Variants in CRTAC1 observed in about 807,000 individuals in gnomAD.
CRTAC1 encodes acidic secreted protein in cartilage.
A neutral mutation model predicts 67.8 loss-of-function variants in CRTAC1; 37 were observed. The ratio of observed to expected loss-of-function variants is 0.55; its 90% confidence interval spans 0.42 to 0.72. The LOEUF (loss-of-function observed/expected upper bound fraction) is 0.72, where lower values mean the gene tolerates loss of function less well. CRTAC1 is among the 30% of genes least tolerant of loss of function. The pLI is 0.00. For synonymous variants in CRTAC1, 348 were observed against 371.0 expected, an observed-to-expected ratio of 0.94 and a Z score of 0.71; for missense variants, 780 against 931.6, an observed-to-expected ratio of 0.84 and a Z score of 2.12.
chr10:98,014,065 G>A (rs138168714), intron 1 of CRTAC1, among the ~76,000 whole-genome samples: 9 of 152,312 alleles, frequency 5.9e-5, no homozygotes, highest in East Asian at 1.9e-4. Flanking sequence ...TCTTGATGGC[G>A]TATTTTTTGG....
At chr10:98,028,440 G>C (rs1843285189) in intron 1 of CRTAC1, among the ~76,000 whole-genome samples, 2 of 152,218 alleles carry the variant, frequency 1.3e-5, no homozygotes, top group South Asian at 4.1e-4. Flanking sequence ...GAGCGCTTGA[G>C]CATGAGAGGC....
Position 98,023,048 on chromosome 10 carries a change from C to T in CRTAC1, c.24+7401G>A, listed in dbSNP as rs140380166. Among the ~76,000 whole-genome samples, 9 of 152,270 alleles carry T rather than the reference C, an allele frequency of 5.9e-5. No individual in the cohort carries two copies. In the East Asian group the frequency reaches 1.2e-3, roughly 20 times the overall value. On this transcript the variant is annotated intron_variant, in intron 1 of 14. Transcript: ENST00000370597. ...TGTGATTCACTTCCTAGTTTGTCTC[C>T]AGTGGAAGTCCAAATTTCCATGCAG...
intron 14 of CRTAC1, chr10:97,869,003 C>G (rs946974614): frequency 2.0e-5 from 3 of 152,214 alleles, no homozygotes; most frequent in Non-Finnish European, 4.4e-5. Flanking sequence ...AACTGAGGCT[C>G]ATGGACGTTA....
intron 1 of CRTAC1, among the ~76,000 whole-genome samples, chr10:98,020,484 T>G (rs1350849027): frequency 6.6e-6 from 1 of 152,242 alleles, no homozygotes; most frequent in East Asian, 1.9e-4. Context: ...AGCTAGTACC[T>G]GGTGGATCCA....
intron 1 of CRTAC1, 36 bp from the exon 2 acceptor site, chr10:98,011,373 C>A (rs767382746): frequency 1.2e-6 from 2 of 1,611,082 alleles, no homozygotes; most frequent in Non-Finnish European, 1.7e-6. Flanking sequence ...CCGAAAGAAC[C>A]TGTAACCAAA....
intron 3 of CRTAC1, among the ~76,000 whole-genome samples, chr10:97,924,186 G>A (rs1048375733): frequency 6.6e-6 from 1 of 152,152 alleles, no homozygotes; most frequent in Admixed American, 6.5e-5. Flanking sequence ...CTGGAGAAGA[G>A]GGAATAACTG....
intron 13 of CRTAC1, among the ~76,000 whole-genome samples, chr10:97,880,761 C>A (rs911686177): frequency 6.6e-6 from 1 of 152,144 alleles, no homozygotes; most frequent in Non-Finnish European, 1.5e-5. Context: ...CTAAGATGCA[C>A]CTCATGCTTA....
chr10:97,870,889 T>A (rs2050085873), intron 14 of CRTAC1: 1 of 152,172 alleles, frequency 6.6e-6, no homozygotes, highest in Non-Finnish European at 1.5e-5. Context: ...CAGGTGCATA[T>A]TATGTGCCGT....
intron 2 of CRTAC1, among the ~76,000 whole-genome samples, chr10:97,942,142 C>T (rs1037217990): frequency 2.0e-5 from 3 of 152,192 alleles, no homozygotes; most frequent in Admixed American, 6.5e-5. Flanking sequence ...GTATTCTCAT[C>T]GCTGCATCCA....
chr10:97,930,468 C>G (rs2050987201), intron 3 of CRTAC1, among the ~76,000 whole-genome samples: 1 of 152,228 alleles, frequency 6.6e-6, no homozygotes, highest in Non-Finnish European at 1.5e-5. Context: ...GGCCATACAT[C>G]TCAGACTTTG....
chr10:97,960,486 T>C (rs2051508683), intron 2 of CRTAC1, among the ~76,000 whole-genome samples: 1 of 152,188 alleles, frequency 6.6e-6, no homozygotes, highest in African/African-American at 2.4e-5. Context: ...TACACACACG[T>C]GTGTATCTAT....
At chr10:97,999,017 C>T (rs574517331) in intron 2 of CRTAC1, among the ~76,000 whole-genome samples, 2 of 152,300 alleles carry the variant, frequency 1.3e-5, no homozygotes, top group South Asian at 4.1e-4. Flanking sequence ...AAAACAAGAA[C>T]CTTCTGATGA....
At chr10:97,958,309 G>C (rs1161889293) in intron 2 of CRTAC1, among the ~76,000 whole-genome samples, 1 of 152,096 alleles carries the variant, frequency 6.6e-6, no homozygotes, top group Non-Finnish European at 1.5e-5. Flanking sequence ...CAAAAGAAAG[G>C]GACAATGTCA....
intron 2 of CRTAC1, among the ~76,000 whole-genome samples, chr10:98,005,100 A>ATATATATATT: frequency 6.1e-5 from 3 of 48,926 alleles, no homozygotes; most frequent in Admixed American, 2.7e-4. Context: ...ATATATATAT[A>ATATATATATT]TTTTTTTTTT....
Position 97,895,796 on chromosome 10 carries a change from G to T in CRTAC1, c.1317+89C>A. The T allele has an allele frequency of 8.9e-7, 1 of 1,118,558 alleles. No individual in the cohort carries two copies. The highest frequency in any genetic ancestry group is 1.3e-6 in the Non-Finnish European group (1 of 757,790). 69.3% of individuals were successfully genotyped at this position (1,118,558 alleles called of 1,614,324 possible). ...TTCCATTACCCACCATGCTGGCCAA[G>T]CCAGCACCCCGGCACCTTGCCCTCA... is the stretch of plus-strand genomic sequence containing the variant. On this transcript the variant is annotated intron_variant, in intron 10 of 14. Transcript: ENST00000370597. This position sits in a 1 kb window ranked among gnomAD's most constrained non-coding sequence, Gnocchi z 4.2.
At chr10:97,886,518 C>T (rs1021685270) in intron 11 of CRTAC1, among the ~76,000 whole-genome samples, 2 of 152,230 alleles carry the variant, frequency 1.3e-5, no homozygotes, top group African/African-American at 2.4e-5. Context: ...CCAACCTTAC[C>T]GTTCTGGGTT....
chr10:97,896,988 G>A lies in CRTAC1; in HGVS notation c.1137C>T (p.Val379=), dbSNP rs1382684609. Residue 379 remains valine (V), a synonymous_variant, in exon 9 of 15, where the codon GTC becomes GTT. Coordinates refer to ENST00000370597, the MANE Select transcript of CRTAC1 (RefSeq NM_018058.7). ...GGGGGTCTCCGTGCTCTCTACGGAT[G>A]ACGCTGCAGGAGAGGAGACAGGCTT... ...RSSSANRLFR[V]IRREHGDPLI... 6.4e-7 allele frequency: 1 copy of A among 1,555,550 alleles called. No individual in the cohort carries two copies. Among genetic ancestry groups the A allele is most frequent in the South Asian group, 1.2e-5 (1 of 84,260 alleles).
chr10:97,918,894 C>T (rs754992153), intron 4 of CRTAC1, among the ~76,000 whole-genome samples: 10 of 151,962 alleles, frequency 6.6e-5, no homozygotes, highest in Non-Finnish European at 1.3e-4. Context: ...AGCGATTGCC[C>T]TGCTTCAGCC....
chr10:97,916,187 G>C (rs1178359272), intron 5 of CRTAC1, among the ~76,000 whole-genome samples: 1 of 149,496 alleles, frequency 6.7e-6, no homozygotes, highest in East Asian at 2.0e-4. Flanking sequence ...CAAGATCAAG[G>C]CACTTAATTG....
Sources: allele counts gnomAD v4.1 joint callset (sites outside exome capture counted in the v4.1 genomes callset), GRCh38; gene constraint gnomAD v4.1.1; non-coding constraint Gnocchi (gnomAD v3.1); transcripts MANE v1.5; gene names NCBI Gene and HGNC (gene_info 2026-07-23, HGNC 2026-07-21).